The following FOXP2 variants were observed in gnomAD, a reference collection of about 807,000 sequenced individuals.
The protein encoded by FOXP2 is forkhead box P2, also known as forkhead box protein P2.
Under a neutral mutation model 115.8 loss-of-function variants are expected in FOXP2, and 12 were observed. The ratio of observed to expected loss-of-function variants is 0.10; its 90% confidence interval spans 0.07 to 0.17. FOXP2 has a LOEUF of 0.17. FOXP2 is among the 10% of genes least tolerant of loss of function. The pLI, the probability that FOXP2 is intolerant of heterozygous loss-of-function variation, is 1.00. For synonymous variants in FOXP2, 328 were observed against 297.7 expected (o/e 1.10, Z -1.05); for missense variants, 629 against 843.5 (o/e 0.75, Z 3.15).
rs752139220 is a variant in FOXP2, at chr7:114,692,050, C to A, written c.*2124C>A. ...ATTATGTTTGTCTTTGGGTCATGATCAACGAACCGGAAGTTTACAATATGG... is the reference window on the plus strand; with the variant it reads ...ATTATGTTTGTCTTTGGGTCATGATAAACGAACCGGAAGTTTACAATATGG... On this transcript the variant is annotated 3_prime_UTR_variant, in exon 17 of 17. Coordinates refer to ENST00000350908, the MANE Select transcript of FOXP2 (RefSeq NM_014491.4). 4.4e-6 allele frequency: 2 copies of A among 453,472 alleles called. No homozygotes were observed. The highest frequency in any genetic ancestry group is 1.6e-5 in the South Asian group (1 of 64,404). The allele number at this position is 453,472 out of a possible 1,614,324, so 28.1% of individuals were successfully genotyped here.
chr7:114,284,892 C>A (rs1431428149), intron 1 of FOXP2, among the ~76,000 whole-genome samples: 3 of 152,084 alleles, frequency 2.0e-5, no homozygotes, highest in African/African-American at 7.2e-5. Flanking sequence ...AGGGATGGAA[C>A]TGGAGGCCAT....
chr7:114,519,186 G>A (rs932664733), intron 2 of FOXP2, among the ~76,000 whole-genome samples: 1 of 152,142 alleles, frequency 6.6e-6, no homozygotes, highest in Non-Finnish European at 1.5e-5. Flanking sequence ...AGAGTAGGGA[G>A]GTAGCAATAC....
chr7:114,128,019 T>A (rs372339201), intron 1 of FOXP2, among the ~76,000 whole-genome samples: 2 of 152,218 alleles, frequency 1.3e-5, no homozygotes, highest in East Asian at 3.8e-4. Context: ...TGAAAACCAA[T>A]AGTTCATGAC....
At chr7:114,132,582 T>TGAGAGAGAGAGAGA (rs35572133) in intron 1 of FOXP2, among the ~76,000 whole-genome samples, 2 of 55,996 alleles carry the variant, frequency 3.6e-5, no homozygotes, top group African/African-American at 1.6e-4. Context: ...TGTGTGTGTG[T>TGAGAGAGAGAGAGA]GAGAGAGAGA....
At chr7:114,345,486 G>C (rs926804555) in intron 2 of FOXP2, among the ~76,000 whole-genome samples, 6 of 151,780 alleles carry the variant, frequency 4.0e-5, no homozygotes, top group Non-Finnish European at 5.9e-5. Context: ...CAAAGCAAAT[G>C]CTAAGTCTGC....
chr7:114,531,476 C>T (rs1226816830), intron 2 of FOXP2, among the ~76,000 whole-genome samples: 1 of 151,628 alleles, frequency 6.6e-6, no homozygotes, highest in Non-Finnish European at 1.5e-5. Flanking sequence ...AAATTCAGTC[C>T]TAAAGTGTTA....
chr7:114,491,315 T>G (rs1257317686), intron 2 of FOXP2, among the ~76,000 whole-genome samples: 2 of 152,268 alleles, frequency 1.3e-5, no homozygotes, highest in African/African-American at 4.8e-5. Context: ...TTTGGAGAAG[T>G]GTCTGTTCAT....
Position 114,183,790 on chromosome 7 carries a change from T to C in FOXP2, c.-102+20702T>C, listed in dbSNP as rs1031401043. Among the ~76,000 whole-genome samples, 4 of 152,174 alleles carry C rather than the reference T, an allele frequency of 2.6e-5. No homozygotes were observed. The East Asian group carries it at 5.8e-4, about 22-fold the overall frequency. ...AGCTTTAAAAATAGCTAATTAGTGA[T>C]GCGCTGTTATAATTTTTAGGTTTAC... On this transcript the variant is annotated intron_variant, in intron 1 of 17. Transcript: ENST00000634411.
chr7:114,437,770 C>T (rs1794420812), intron 2 of FOXP2, among the ~76,000 whole-genome samples: 3 of 152,152 alleles, frequency 2.0e-5, no homozygotes, highest in African/African-American at 4.8e-5. Flanking sequence ...CCTTGTAGAC[C>T]GACCTGTAGA....
chr7:114,268,728 GTGTA>G (rs991187298), intron 1 of FOXP2, among the ~76,000 whole-genome samples: 9 of 148,056 alleles, frequency 6.1e-5, no homozygotes, highest in African/African-American at 2.4e-4. Context: ...GTGTGTGTGT[GTGTA>G]TGTGTGTATT....
In FOXP2 at chr7:114,693,234, A is replaced by G. The variant is rs534248933; in HGVS notation, c.*3308A>G. The G allele has an allele frequency of 4.4e-6, 2 of 449,652 alleles. No individual in the cohort carries two copies. The highest frequency in any genetic ancestry group is 4.0e-5 in the African/African-American group (2 of 49,876). The allele number at this position is 449,652 out of a possible 1,614,324, so 27.9% of individuals were successfully genotyped here. ...TTCTTTAGATAACTCAGATATGGAG[A>G]AAATGTCATCAGCATTCTGTGTCTA... On this transcript the variant is annotated 3_prime_UTR_variant, in exon 17 of 17. Transcript: ENST00000350908.
intron 2 of FOXP2, among the ~76,000 whole-genome samples, chr7:114,377,689 A>G (rs888634645): frequency 1.3e-5 from 2 of 152,200 alleles, no homozygotes; most frequent in African/African-American, 4.8e-5. Flanking sequence ...TAGGTATGAT[A>G]ATGGTCTCCT....
intron 2 of FOXP2, among the ~76,000 whole-genome samples, chr7:114,520,353 A>G (rs1378067426): frequency 2.6e-5 from 4 of 152,134 alleles, no homozygotes; most frequent in African/African-American, 7.2e-5. Context: ...AAGATAGAGC[A>G]TGACCAATGT....
At chr7:114,120,698 A>ATGCGTGTG (rs1562970533) in intron 1 of FOXP2, among the ~76,000 whole-genome samples, 70 of 149,428 alleles carry the variant, frequency 4.7e-4, no homozygotes, top group African/African-American at 1.6e-3. Flanking sequence ...GTGTATATGT[A>ATGCGTGTG]TGTGTGTGTG....
chr7:114,256,716 T>C (rs1270903462), intron 1 of FOXP2, among the ~76,000 whole-genome samples: 1 of 152,192 alleles, frequency 6.6e-6, no homozygotes, highest in Non-Finnish European at 1.5e-5. Context: ...TTAGATCCGA[T>C]TTGTCAATTT....
chr7:114,179,547 GA>G (rs1793404119), intron 1 of FOXP2, among the ~76,000 whole-genome samples: 1 of 151,938 alleles, frequency 6.6e-6, no homozygotes, highest in Admixed American at 6.6e-5. Flanking sequence ...TTCGGTGAAT[GA>G]ATTGATTTCA....
At position 114,468,318 on chromosome 7, in the gene FOXP2, G is replaced by C. The variant is rs189572738; in HGVS notation, c.168+41639G>C. Among the ~76,000 whole-genome samples the C allele has an allele frequency of 2.2e-3, 328 of 152,256 alleles. 2 individuals carry two copies. The highest frequency in any genetic ancestry group is 7.6e-3 in the African/African-American group (316 of 41,550). On this transcript the variant is annotated intron_variant, in intron 2 of 16. Transcript: ENST00000350908. ...ACCAAATTCTGGCTCTGCATTGTGTGTGTGTGTGCATGTGTGTATGTGTAT... is the reference window on the plus strand; with the variant it reads ...ACCAAATTCTGGCTCTGCATTGTGTCTGTGTGTGCATGTGTGTATGTGTAT...
chr7:114,130,063 C>T (rs1791828342), intron 1 of FOXP2, among the ~76,000 whole-genome samples: 1 of 152,084 alleles, frequency 6.6e-6, no homozygotes, highest in African/African-American at 2.4e-5. Flanking sequence ...CCTGTAATCC[C>T]AGCACATTGG....
chr7:114,372,600 T>C (rs1792040770), intron 2 of FOXP2, among the ~76,000 whole-genome samples: 1 of 152,210 alleles, frequency 6.6e-6, no homozygotes, highest in Non-Finnish European at 1.5e-5. Flanking sequence ...ATACAGATTC[T>C]CTGAGAAGAT....
Sources: gnomAD v4.1 joint callset for allele counts (sites outside exome capture counted in the v4.1 genomes callset) on GRCh38, gnomAD v4.1.1 for gene constraint, MANE v1.5 for transcripts, NCBI Gene and HGNC (gene_info 2026-07-23, HGNC 2026-07-21) for gene names.